The following RTL9 variants were observed in gnomAD, a reference collection of about 807,000 sequenced individuals.
RTL9 encodes retrotransposon Gag-like protein 9.
RTL9 carries 19 observed loss-of-function variants against 44.7 expected under a neutral mutation model. That is an observed-to-expected ratio of 0.42 (90% CI 0.30 to 0.62). RTL9 has a LOEUF of 0.62. Ranked by LOEUF, RTL9 falls within the 20% of genes least tolerant of loss-of-function variation. RTL9 has a pLI of 0.16. For missense variants in RTL9, 1,105 were observed against 1,080.6 expected, an observed-to-expected ratio of 1.02 and a Z score of -0.32; for synonymous variants, 407 against 398.9, an observed-to-expected ratio of 1.02 and a Z score of -0.24.
chrX:110,453,891 A>T, exon 1 of RTL9: 1 of 1,211,981 alleles, frequency 8.3e-7, no homozygotes, highest in Non-Finnish European at 1.1e-6. Flanking sequence ...CTTTGGAGTG[A>T]TGTCCACTCC....
At chrX:110,428,228 A>G (rs1449307519) in intron 1 of RTL9, among the ~76,000 whole-genome samples, 1 of 111,555 alleles carries the variant, frequency 9.0e-6, no homozygotes, top group African/African-American at 3.3e-5. Flanking sequence ...GGAATCTCAG[A>G]ATTCTCTGTC....
chrX:110,442,341 TG>T (rs1346311413), intron 1 of RTL9, among the ~76,000 whole-genome samples: 1 of 109,414 alleles, frequency 9.1e-6, no homozygotes. Flanking sequence ...GACTTTTAAA[TG>T]TTGGCAATTA....
chrX:110,454,215 T>C (rs41306249), exon 1 of RTL9: 44,751 of 1,209,729 alleles, frequency 0.037, 700 homozygotes, highest in Non-Finnish European at 0.045. Context: ...AGCAGAGAGG[T>C]GGTTCATCTT....
chrX:110,411,407 C>T (rs780485497), intron 1 of RTL9, among the ~76,000 whole-genome samples: 4 of 111,764 alleles, frequency 3.6e-5, no homozygotes, highest in Non-Finnish European at 7.5e-5. Context: ...TGACAACCGG[C>T]CTGCCACCAA....
chrX:110,404,938 T>TC (rs2068588489), intron 1 of RTL9, among the ~76,000 whole-genome samples: 1 of 111,934 alleles, frequency 8.9e-6, no homozygotes, highest in African/African-American at 3.2e-5. Context: ...AATTCTGTCA[T>TC]CCGCATTCTG....
At chrX:110,376,549 G>T (rs192227787) in intron 1 of RTL9, among the ~76,000 whole-genome samples, 3 of 112,078 alleles carry the variant, frequency 2.7e-5, no homozygotes, top group Non-Finnish European at 5.6e-5. Context: ...TTTGGAGAGA[G>T]CCATGGTGCC....
chrX:110,439,570 A>G (rs774084463), intron 1 of RTL9, among the ~76,000 whole-genome samples: 1 of 112,187 alleles, frequency 8.9e-6, no homozygotes, highest in South Asian at 3.8e-4. Flanking sequence ...CCAAGGGTGC[A>G]CTTCTCCCAT....
upstream of RTL9, among the ~76,000 whole-genome samples, chrX:110,445,633 A>T (rs1055366181): frequency 8.9e-6 from 1 of 111,919 alleles, no homozygotes; most frequent in Non-Finnish European, 1.9e-5. Flanking sequence ...TTGGGGAAAG[A>T]ATATTGTTGA....
chrX:110,412,009 A>C (rs2148310216), intron 1 of RTL9, among the ~76,000 whole-genome samples: 1 of 113,155 alleles, frequency 8.8e-6, no homozygotes, highest in African/African-American at 3.2e-5. Context: ...CTCAAAGAAT[A>C]ATGAACAGGC....
chrX:110,363,153 T>A (rs746092611), intron 1 of RTL9, among the ~76,000 whole-genome samples: 28 of 111,960 alleles, frequency 2.5e-4, no homozygotes, highest in African/African-American at 8.8e-4. Context: ...CTTCCAGAGG[T>A]AACACTAGTT....
chrX:110,452,851 A>G (rs145235933), exon 1 of RTL9: 9 of 1,211,474 alleles, frequency 7.4e-6, no homozygotes, highest in East Asian at 3.0e-5. Context: ...GGAGGGATGC[A>G]GATGAATTCC....
At chrX:110,392,476 C>A (rs1054380310) in intron 1 of RTL9, among the ~76,000 whole-genome samples, 2 of 110,861 alleles carry the variant, frequency 1.8e-5, no homozygotes, top group African/African-American at 6.6e-5. Context: ...AGAGACAAGG[C>A]CTTGCTTTGT....
chrX:110,421,277 G>A (rs1172610682), intron 1 of RTL9, among the ~76,000 whole-genome samples: 3 of 112,737 alleles, frequency 2.7e-5, no homozygotes, highest in African/African-American at 9.7e-5. Context: ...GTCTGAAGGT[G>A]AGAGATGCTT....
intron 1 of RTL9, among the ~76,000 whole-genome samples, chrX:110,443,422 A>C (rs1460413685): frequency 8.9e-6 from 1 of 111,992 alleles, no homozygotes; most frequent in Admixed American, 9.4e-5. Flanking sequence ...CACTTGATGC[A>C]GGGTTTCCCC....
intron 1 of RTL9, among the ~76,000 whole-genome samples, chrX:110,380,970 G>A (rs1174933509): frequency 1.8e-5 from 2 of 112,239 alleles, no homozygotes; most frequent in Non-Finnish European, 3.8e-5. Context: ...TTAAATGTAA[G>A]ACTTCAAACT....
exon 1 of RTL9, chrX:110,452,237 A>T (rs759267458): frequency 8.3e-7 from 1 of 1,212,072 alleles, no homozygotes; most frequent in South Asian, 1.8e-5. Flanking sequence ...CCATGCTGCA[A>T]ATGAGAGCCC....
At chrX:110,369,535 G>A (rs2068322870) in intron 1 of RTL9, among the ~76,000 whole-genome samples, 1 of 110,504 alleles carries the variant, frequency 9.0e-6, no homozygotes, top group African/African-American at 3.3e-5. Context: ...TGGAATTATA[G>A]CACAATTTTT....
upstream of RTL9, among the ~76,000 whole-genome samples, chrX:110,414,956 G>T (rs755930878): frequency 2.7e-5 from 3 of 111,863 alleles, no homozygotes; most frequent in Non-Finnish European, 5.6e-5. Flanking sequence ...GAAGAAAGAA[G>T]AAAGCATATA....
At chrX:110,372,693 G>C (rs746174432) in intron 1 of RTL9, among the ~76,000 whole-genome samples, 2 of 111,791 alleles carry the variant, frequency 1.8e-5, no homozygotes, top group South Asian at 3.7e-4. Flanking sequence ...AAAACACAGA[G>C]ACATACTGGA....
Sources: allele counts gnomAD v4.1 joint callset (sites outside exome capture counted in the v4.1 genomes callset), GRCh38; gene constraint gnomAD v4.1.1; transcripts MANE v1.5; gene names NCBI Gene and HGNC (gene_info 2026-07-23, HGNC 2026-07-21).